The following MTAP variants were observed in gnomAD, a reference collection of about 807,000 sequenced individuals.
The protein encoded by MTAP is methylthioadenosine phosphorylase, also known as S-methyl-5'-thioadenosine phosphorylase.
A neutral mutation model predicts 33.6 loss-of-function variants in MTAP; 33 were observed. The observed-to-expected ratio is 0.98, with a 90% CI of 0.74 to 1.31. The LOEUF (loss-of-function observed/expected upper bound fraction) is 1.31. MTAP is among the 40% of genes most tolerant of loss of function. The pLI is 0.00. For synonymous variants in MTAP, 148 were observed against 125.7 expected (o/e 1.18, Z -1.19); for missense variants, 367 against 360.0 (o/e 1.02, Z -0.16).
At chr9:21,812,784 A>C (rs539849602) in intron 1 of MTAP, among the ~76,000 whole-genome samples, 54 of 152,344 alleles carry the variant, frequency 3.5e-4, no homozygotes, top group Admixed American at 6.5e-4. Flanking sequence ...ATAAGGTATA[A>C]TGTTATGGAG....
At chr9:21,832,158 A>C (rs1210858374) in intron 4 of MTAP, among the ~76,000 whole-genome samples, 1 of 152,200 alleles carries the variant, frequency 6.6e-6, no homozygotes, top group Non-Finnish European at 1.5e-5. Context: ...TTTGTCACGC[A>C]TTCTTACTCA....
At chr9:21,846,505 T>A (rs1392341017) in intron 5 of MTAP, among the ~76,000 whole-genome samples, 1 of 151,788 alleles carries the variant, frequency 6.6e-6, no homozygotes, top group East Asian at 1.9e-4. Context: ...AAATTACTAA[T>A]CCAGGAAATG....
intron 1 of MTAP, among the ~76,000 whole-genome samples, chr9:21,912,056 A>C (rs1303071056): frequency 3.3e-5 from 5 of 152,218 alleles, no homozygotes; most frequent in South Asian, 4.1e-4. Context: ...TCCTCGACAC[A>C]TACACCCTCC....
intron 1 of MTAP, among the ~76,000 whole-genome samples, chr9:21,808,065 C>T (rs946371992): frequency 1.3e-5 from 2 of 152,218 alleles, no homozygotes; most frequent in East Asian, 3.9e-4. Flanking sequence ...AATGCAAGTT[C>T]ATAGGCCCCA....
intron 1 of MTAP, among the ~76,000 whole-genome samples, chr9:21,899,557 T>C (rs1054137449): frequency 6.6e-6 from 1 of 152,024 alleles, no homozygotes; most frequent in African/African-American, 2.4e-5. Flanking sequence ...AAACTTACAG[T>C]CATGGTGGAA....
intron 1 of MTAP, among the ~76,000 whole-genome samples, chr9:21,898,481 C>G (rs546545397): frequency 6.6e-6 from 1 of 152,106 alleles, no homozygotes; most frequent in Non-Finnish European, 1.5e-5. Context: ...ACAATCTACC[C>G]ATTTGACAAA....
At chr9:21,923,444 C>T (rs981526942) in intron 1 of MTAP, among the ~76,000 whole-genome samples, 5 of 152,112 alleles carry the variant, frequency 3.3e-5, no homozygotes, top group East Asian at 1.9e-4. Flanking sequence ...TCCCAAGCTC[C>T]GAGTTCTCCA....
intron 1 of MTAP, among the ~76,000 whole-genome samples, chr9:21,885,872 T>G (rs1818101178): frequency 6.6e-6 from 1 of 151,956 alleles, no homozygotes; most frequent in Non-Finnish European, 1.5e-5. Flanking sequence ...GAATTTGAGC[T>G]GGTTCCATAT....
rs181206187 is a variant in MTAP at position 21,845,808 on chromosome 9, A to G, written c.450+7798A>G. Among the ~76,000 whole-genome samples, 1,287 of 152,308 alleles carry G rather than the reference A, an allele frequency of 8.4e-3. 10 individuals are homozygous for G. Among genetic ancestry groups the G allele is most frequent in the Non-Finnish European group, 0.011 (780 of 68,024 alleles). On this transcript the variant is annotated intron_variant, in intron 5 of 7. Coordinates refer to ENST00000644715, the MANE Select transcript of MTAP (RefSeq NM_002451.4). The stretch of plus-strand genomic sequence containing the variant: ...CCAAAAAAAGAGCCCATATAGCCAA[A>G]GCAAGACTAAGCAAAAAGAACAATC...
At chr9:21,822,246 T>C (rs1824661462) in intron 4 of MTAP, among the ~76,000 whole-genome samples, 2 of 152,234 alleles carry the variant, frequency 1.3e-5, no homozygotes, top group African/African-American at 4.8e-5. Flanking sequence ...AGATCTCTCT[T>C]GCTTTCTCTT....
intron 1 of MTAP, among the ~76,000 whole-genome samples, chr9:21,921,035 C>T (rs1384824929): frequency 6.6e-6 from 1 of 152,046 alleles, no homozygotes; most frequent in Non-Finnish European, 1.5e-5. Flanking sequence ...AGGTCCTAGG[C>T]TTTTCTTTAA....
At chr9:21,823,065 G>T (rs1824687634) in intron 4 of MTAP, among the ~76,000 whole-genome samples, 1 of 152,106 alleles carries the variant, frequency 6.6e-6, no homozygotes, top group South Asian at 2.1e-4. Context: ...ACACTGATGG[G>T]TCTTGACTCT....
At chr9:21,834,828 G>A (rs975451338) in intron 4 of MTAP, among the ~76,000 whole-genome samples, 21 of 152,174 alleles carry the variant, frequency 1.4e-4, no homozygotes, top group African/African-American at 4.8e-4. Flanking sequence ...TTAGCATGTG[G>A]ACATCTTCGG....
chr9:21,880,353 A>C (rs113646943), intron 1 of MTAP, among the ~76,000 whole-genome samples: 1 of 152,148 alleles, frequency 6.6e-6, no homozygotes, highest in African/African-American at 2.4e-5. Context: ...CATTATAGAT[A>C]ATCCAGTTTA....
rs769409110 is a variant in MTAP at position 21,802,792 on chromosome 9, C to G, written c.33+11C>G. 1.2e-6 allele frequency: 2 copies of G among 1,612,724 alleles called. No homozygotes were observed. The highest frequency in any genetic ancestry group is 1.7e-6 in the Non-Finnish European group (2 of 1,179,718). ...ACCACCGCCGTGAAGGTGAGATGAG[C>G]CCTCCCAGCCGCAGCGGTTCGCCCT... On this transcript the variant is annotated intron_variant, in intron 1 of 7. Coordinates refer to ENST00000644715, the MANE Select transcript of MTAP (RefSeq NM_002451.4).
At chr9:21,828,537 G>T (rs150034972) in intron 4 of MTAP, among the ~76,000 whole-genome samples, 170 of 152,200 alleles carry the variant, frequency 1.1e-3, no homozygotes, top group African/African-American at 3.8e-3. Context: ...AAGTAGCCAG[G>T]TGTGGTGAGC....
At chr9:21,826,992 A>G (rs1824830360) in intron 4 of MTAP, among the ~76,000 whole-genome samples, 1 of 152,152 alleles carries the variant, frequency 6.6e-6, no homozygotes, top group South Asian at 2.1e-4. Flanking sequence ...CTAATGCCTG[A>G]TGATCTGAGG....
At chr9:21,918,760 A>G (rs1468165790) in intron 1 of MTAP, among the ~76,000 whole-genome samples, 3 of 152,162 alleles carry the variant, frequency 2.0e-5, no homozygotes, top group African/African-American at 7.2e-5. Flanking sequence ...TCCCCTGCAC[A>G]TGCCCTCTTT....
intron 4 of MTAP, among the ~76,000 whole-genome samples, chr9:21,833,225 G>A (rs747358748): frequency 3.3e-5 from 5 of 152,064 alleles, no homozygotes; most frequent in South Asian, 2.1e-4. Flanking sequence ...TCTCACTCTC[G>A]CCCAAGCTGG....
Sources: allele counts gnomAD v4.1 joint callset (sites outside exome capture counted in the v4.1 genomes callset), GRCh38; gene constraint gnomAD v4.1.1; transcripts MANE v1.5; gene names NCBI Gene and HGNC (gene_info 2026-07-23, HGNC 2026-07-21).